The following VWA8 variants were observed in gnomAD, a reference collection of about 807,000 sequenced individuals.
VWA8 encodes the protein von Willebrand factor A domain-containing protein 8.
Under a neutral mutation model 241.5 loss-of-function variants are expected in VWA8, and 221 were observed. The observed-to-expected ratio is 0.91, with a 90% CI of 0.82 to 1.02. The LOEUF is 1.02. Ranked by LOEUF, VWA8 falls within the 50% of genes least tolerant of loss-of-function variation. The probability of loss-of-function intolerance (pLI) is 0.00; values close to 1 mark genes in which losing one functional copy is unlikely to be tolerated. For synonymous variants in VWA8, 852 were observed against 827.1 expected, an observed-to-expected ratio of 1.03 and a Z score of -0.52; for missense variants, 2,322 against 2,328.7, an observed-to-expected ratio of 1.00 and a Z score of 0.06.
chr13:41,893,437 G>A (rs1874943272), intron 4 of VWA8, among the ~76,000 whole-genome samples: 1 of 149,076 alleles, frequency 6.7e-6, no homozygotes. Flanking sequence ...TACCAGAGTA[G>A]CCATCTTGTT....
chr13:41,855,346 A>T (rs899833330), intron 12 of VWA8, among the ~76,000 whole-genome samples: 3 of 145,842 alleles, frequency 2.1e-5, no homozygotes, highest in East Asian at 3.9e-4. Flanking sequence ...TATAATATAT[A>T]AATATATATT....
intron 40 of VWA8, among the ~76,000 whole-genome samples, chr13:41,594,042 T>C (rs746069873): frequency 1.3e-5 from 2 of 152,162 alleles, no homozygotes; most frequent in Admixed American, 1.3e-4. Flanking sequence ...CATTAGCTGC[T>C]ACATGGTTTT....
intron 37 of VWA8, among the ~76,000 whole-genome samples, chr13:41,634,708 G>T (rs925444650): frequency 6.9e-6 from 1 of 144,724 alleles, no homozygotes; most frequent in African/African-American, 2.5e-5. Context: ...TCTTCAAAGT[G>T]AAAAAAAAAA....
chr13:41,730,874 T>G (rs1205857288), intron 22 of VWA8, among the ~76,000 whole-genome samples: 1 of 151,832 alleles, frequency 6.6e-6, no homozygotes, highest in East Asian at 1.9e-4. Flanking sequence ...TTTAAAAAAC[T>G]TATAAGAAAT....
chr13:41,674,893 A>C (rs772333263), intron 36 of VWA8, among the ~76,000 whole-genome samples: 33 of 152,326 alleles, frequency 2.2e-4, no homozygotes, highest in Non-Finnish European at 3.4e-4. Flanking sequence ...CACAAAGTTA[A>C]TAAGTATTAT....
chr13:41,702,817 C>G (rs895663985), intron 27 of VWA8, among the ~76,000 whole-genome samples: 1 of 152,168 alleles, frequency 6.6e-6, no homozygotes, highest in Non-Finnish European at 1.5e-5. Flanking sequence ...ATTACAAGTC[C>G]AGTGTTGCCC....
intron 15 of VWA8, 103 bp from the exon 16 acceptor site, chr13:41,816,878 T>G: frequency 2.2e-6 from 2 of 928,588 alleles, no homozygotes; most frequent in Admixed American, 2.3e-5. Flanking sequence ...TAGAATTACA[T>G]TTTTAGAAAA....
intron 29 of VWA8, among the ~76,000 whole-genome samples, chr13:41,695,195 A>G (rs1379810090): frequency 6.6e-6 from 1 of 152,178 alleles, no homozygotes; most frequent in Non-Finnish European, 1.5e-5. Flanking sequence ...GATGACCTCA[A>G]TGTCCCTAAA....
rs373564972 is a variant in VWA8, at chr13:41,899,236, T to G, written c.484-7649A>C. 1.6e-4 allele frequency among the ~76,000 whole-genome samples: 24 copies of G among 152,350 alleles called. No homozygotes were observed. The South Asian group carries it at 5.0e-3, about 32-fold the overall frequency. On this transcript the variant is annotated intron_variant, in intron 4 of 44. Transcript: ENST00000379310. Reference sequence around the variant, plus strand: ...TCTTCCCAACCTTTTTTCTGATTAATTCAATATAAATTATTTATTAATTTT... The same window carrying G: ...TCTTCCCAACCTTTTTTCTGATTAAGTCAATATAAATTATTTATTAATTTT...
intron 12 of VWA8, among the ~76,000 whole-genome samples, chr13:41,850,309 T>C (rs191539830): frequency 1.3e-5 from 2 of 152,282 alleles, no homozygotes; most frequent in African/African-American, 4.8e-5. Context: ...TTTAATTAAA[T>C]AAGGAGCCAA....
chr13:41,814,031 T>C (rs1870584437), intron 16 of VWA8, among the ~76,000 whole-genome samples: 1 of 152,170 alleles, frequency 6.6e-6, no homozygotes, highest in East Asian at 1.9e-4. Flanking sequence ...TCAGAAATTA[T>C]TAAACATTAT....
rs1269850919 is a variant in VWA8, at chr13:41,590,731, T to G, written c.5021A>C (p.Gln1674Pro). The change falls in exon 41 of 45, where the codon CAA becomes CCA. Residue 1674 changes from glutamine (Q) to proline (P), a missense_variant. Physicochemically the swap from Gln to Pro is moderately conservative, Grantham distance 76 (BLOSUM62 -1). Coordinates refer to ENST00000379310, the MANE Select transcript of VWA8 (RefSeq NM_015058.2). ...GGCATCATCTAATTCTCCAGTAGCTTGATGTCTTAGCCATTGTCTTTCTTT... is the reference window on the plus strand; with the variant it reads ...GGCATCATCTAATTCTCCAGTAGCTGGATGTCTTAGCCATTGTCTTTCTTT... ...KGKERQWLRH[Q>P]ATGELDDAKI... The G allele has an allele frequency of 6.2e-7, 1 of 1,614,138 alleles. No individual in the cohort carries two copies. The highest frequency in any genetic ancestry group is 1.1e-5 in the South Asian group (1 of 91,086).
At chr13:41,585,241 G>A (rs571758543) in intron 42 of VWA8, among the ~76,000 whole-genome samples, 5 of 152,114 alleles carry the variant, frequency 3.3e-5, no homozygotes, top group Non-Finnish European at 5.9e-5. Flanking sequence ...ACTCGGCTGC[G>A]TGAGATGCAA....
chr13:41,934,741 C>T (rs952870466), intron 2 of VWA8, among the ~76,000 whole-genome samples: 2 of 151,824 alleles, frequency 1.3e-5, no homozygotes, highest in African/African-American at 4.8e-5. Flanking sequence ...GATTCCTAGG[C>T]AATGGAGGAA....
chr13:41,747,993 G>A (rs1049778589), intron 21 of VWA8, among the ~76,000 whole-genome samples: 5 of 152,092 alleles, frequency 3.3e-5, no homozygotes, highest in Non-Finnish European at 7.4e-5. Context: ...TGCTGGATTC[G>A]GTTTGCCAGT....
intron 16 of VWA8, among the ~76,000 whole-genome samples, chr13:41,813,906 T>C (rs11618311): frequency 0.15 from 23,353 of 152,052 alleles, 1,895 homozygotes; most frequent in Non-Finnish European, 0.19. Flanking sequence ...GCGGTGAAGA[T>C]ATGAAGCACA....
At chr13:41,662,297 G>T (rs1593681908) in intron 37 of VWA8, among the ~76,000 whole-genome samples, 1 of 152,028 alleles carries the variant, frequency 6.6e-6, no homozygotes, top group East Asian at 1.9e-4. Flanking sequence ...ATTTATTTAG[G>T]TCTTTGATTT....
chr13:41,790,501 C>T (rs1869408953), intron 17 of VWA8, among the ~76,000 whole-genome samples: 1 of 151,966 alleles, frequency 6.6e-6, no homozygotes, highest in African/African-American at 2.4e-5. Context: ...TTCCTCATTA[C>T]TTCAATATCA....
At chr13:41,640,848 C>G (rs1006668199) in intron 37 of VWA8, among the ~76,000 whole-genome samples, 8 of 152,102 alleles carry the variant, frequency 5.3e-5, no homozygotes, top group African/African-American at 1.9e-4. Flanking sequence ...TCATCCTGAT[C>G]GTAATAAAAT....
Sources: allele counts gnomAD v4.1 joint callset (sites outside exome capture counted in the v4.1 genomes callset), GRCh38; gene constraint gnomAD v4.1.1; transcripts MANE v1.5; gene names NCBI Gene and HGNC (gene_info 2026-07-23, HGNC 2026-07-21).